The following TPO variants were observed in gnomAD, a reference collection of about 807,000 sequenced individuals.
The protein encoded by TPO is thyroid peroxidase, also known as thyroid microsomal antigen.
Under a neutral mutation model 96.9 loss-of-function variants are expected in TPO, and 78 were observed. That is an observed-to-expected ratio of 0.81 (90% CI 0.67 to 0.97). The LOEUF (loss-of-function observed/expected upper bound fraction) is 0.97. Among genes scored for constraint, TPO ranks in the 50% least tolerant of loss-of-function variants. The pLI is 0.00. For missense variants in TPO, 1,252 were observed against 1,274.8 expected (o/e 0.98, Z 0.27); for synonymous variants, 547 against 538.0 (o/e 1.02, Z -0.23).
chr2:1,520,494 G>A (rs780635740), intron 15 of TPO, among the ~76,000 whole-genome samples: 9 of 152,172 alleles, frequency 5.9e-5, no homozygotes, highest in Non-Finnish European at 1.2e-4. Flanking sequence ...AGACAAAGGT[G>A]TTTGCTTCTC....
At chr2:1,535,250 C>G (rs1460490724) in intron 15 of TPO, among the ~76,000 whole-genome samples, 11 of 135,034 alleles carry the variant, frequency 8.1e-5, no homozygotes, top group East Asian at 2.7e-4. Context: ...CCACCCCACT[C>G]TGTGCAACCT....
intron 1 of TPO, among the ~76,000 whole-genome samples, chr2:1,382,148 G>A (rs570321477): frequency 3.4e-4 from 52 of 152,204 alleles, no homozygotes; most frequent in African/African-American, 8.4e-4. Flanking sequence ...AGAGGCCACC[G>A]GCGATGCCCA....
intron 13 of TPO, among the ~76,000 whole-genome samples, chr2:1,501,358 C>A (rs537045781): frequency 6.6e-6 from 1 of 151,900 alleles, no homozygotes; most frequent in Non-Finnish European, 1.5e-5. Flanking sequence ...GGGGACACTG[C>A]GGCTGAGGCT....
In TPO at chr2:1,542,860, C is replaced by A. The variant is rs1311680461; in HGVS notation, c.*386C>A. The A allele has an allele frequency of 8.1e-6, 3 of 369,118 alleles. No individual in the cohort carries two copies. The highest frequency in any genetic ancestry group is 2.4e-5 in the South Asian group (1 of 41,624). The allele number at this position is 369,118 out of a possible 1,614,324, so 22.9% of individuals were successfully genotyped here. A position where few individuals can be genotyped will look rare whatever the true frequency, so the allele number is the denominator to read the frequency against. ...CTCCAGCACTGGTTTTTCCACACCC[C>A]CTGCCCATCACCAGGTGTCCACAGG... On this transcript the variant is annotated 3_prime_UTR_variant, in exon 17 of 17. Transcript: ENST00000329066.
At chr2:1,503,865 G>A (rs780719894) in intron 13 of TPO, 83 bp from the exon 14 acceptor site, 8 of 1,611,064 alleles carry the variant, frequency 5.0e-6, no homozygotes, top group South Asian at 2.2e-5. Context: ...CCAGAGAGAA[G>A]CACCTCCCAG....
chr2:1,391,555 G>A (rs1662001049), intron 1 of TPO, among the ~76,000 whole-genome samples: 1 of 152,170 alleles, frequency 6.6e-6, no homozygotes, highest in Non-Finnish European at 1.5e-5. Flanking sequence ...TGTGAAGAAA[G>A]TCATTGGTAG....
intron 5 of TPO, among the ~76,000 whole-genome samples, chr2:1,450,639 C>T (rs1020609354): frequency 6.6e-6 from 1 of 152,138 alleles, no homozygotes; most frequent in African/African-American, 2.4e-5. Context: ...GACCTGCTGA[C>T]CGTGAAGGTC....
In TPO at chr2:1,496,094, G is replaced by A; in HGVS notation, c.2112G>A (p.Val704=). ...VICDNTGLTR[V]PMDAFQVGKF... is the part of the protein sequence containing the mutation. The stretch of plus-strand genomic sequence containing the variant: ...GTGACAACACTGGCCTCACCAGGGT[G>A]CCCATGGATGCCTTCCAAGTCGGCA... The change falls in exon 12 of 17, where the codon GTG becomes GTA. Residue 704 remains valine, a synonymous_variant. Transcript: ENST00000329066. The A allele has an allele frequency of 6.2e-7, 1 of 1,614,078 alleles. No individual in the cohort carries two copies. The highest frequency in any genetic ancestry group is 1.1e-5 in the South Asian group (1 of 91,048).
chr2:1,401,355 A>G (rs1393078844), intron 1 of TPO, among the ~76,000 whole-genome samples: 1 of 152,194 alleles, frequency 6.6e-6, no homozygotes. Flanking sequence ...AGACAGAGAC[A>G]ATGCACCCAA....
chr2:1,390,876 G>C (rs560776995), intron 1 of TPO, among the ~76,000 whole-genome samples: 2 of 152,144 alleles, frequency 1.3e-5, no homozygotes, highest in South Asian at 4.1e-4. Flanking sequence ...CTTTTTGATG[G>C]GGTTGTTTTT....
chr2:1,501,410 C>T lies in TPO; in HGVS notation c.2387-2538C>T, dbSNP rs973502905. The stretch of plus-strand genomic sequence containing the variant: ...GGGAGCGCTGCTCTTCAGACAAGGC[C>T]GATTTGTCCCCCTCCTTCCTGTCCA... On this transcript the variant is annotated intron_variant, in intron 13 of 16. Coordinates refer to ENST00000329066, the MANE Select transcript of TPO (RefSeq NM_001206744.2). 3.3e-5 allele frequency among the ~76,000 whole-genome samples: 5 copies of T among 152,216 alleles called. 1 individual carries two copies. The highest frequency in any genetic ancestry group is 9.6e-5 in the African/African-American group (4 of 41,466).
At chr2:1,407,829 C>T (rs927423920) in intron 1 of TPO, among the ~76,000 whole-genome samples, 1 of 152,192 alleles carries the variant, frequency 6.6e-6, no homozygotes, top group Non-Finnish European at 1.5e-5. Flanking sequence ...CTATGAAACC[C>T]ACATCTTCAA....
At chr2:1,512,616 C>T (rs1420013281) in intron 14 of TPO, 1 of 436,076 alleles carries the variant, frequency 2.3e-6, no homozygotes, top group Non-Finnish European at 3.1e-6. Flanking sequence ...GCCCTGCAGC[C>T]CCTCAAGCAG....
chr2:1,441,768 T>A (rs1002146123), intron 5 of TPO, among the ~76,000 whole-genome samples: 1 of 152,120 alleles, frequency 6.6e-6, no homozygotes, highest in Non-Finnish European at 1.5e-5. Flanking sequence ...GAGAACAGAA[T>A]CCCCAGGGCC....
rs551820997 is a variant in TPO, at chr2:1,532,060, C to G, written c.2619-8534C>G. ...CTGTGTGCAACCTCCCCAAATACCC[C>G]CCACTGTGTGCACCTTCCTCAAGTC... On this transcript the variant is annotated intron_variant, in intron 15 of 16. Transcript: ENST00000329066. Among the ~76,000 whole-genome samples, 13 of 124,870 alleles carry G rather than the reference C, an allele frequency of 1.0e-4. 1 individual carries two copies. The South Asian group carries it at 4.0e-3, about 38-fold the overall frequency. The allele number at this position is 124,870 out of a possible 152,430, so 81.9% of individuals were successfully genotyped here.
Position 1,535,757 on chromosome 2 carries a change from G to C in TPO, c.2619-4837G>C, listed in dbSNP as rs1447351784. On this transcript the variant is annotated intron_variant, in intron 15 of 16. Coordinates refer to ENST00000329066, the MANE Select transcript of TPO (RefSeq NM_001206744.2). Reference sequence around the variant, plus strand: ...CAACCTCCCCAAATCCCCCCACTCTGTGCAACCTCCCGAAATCCCCCCAAC... The same window carrying C: ...CAACCTCCCCAAATCCCCCCACTCTCTGCAACCTCCCGAAATCCCCCCAAC... Among the ~76,000 whole-genome samples, 2 of 64,230 alleles carry C rather than the reference G, an allele frequency of 3.1e-5. 1 individual carries two copies. Among genetic ancestry groups the C allele is most frequent in the Non-Finnish European group, 6.0e-5 (2 of 33,398 alleles). 42.1% of individuals were successfully genotyped at this position (64,230 alleles called of 152,430 possible).
At chr2:1,456,396 G>A (rs879102731) in intron 7 of TPO, 114 bp downstream of exon 7, 1 of 1,163,606 alleles carries the variant, frequency 8.6e-7, no homozygotes, top group Non-Finnish European at 1.2e-6. Context: ...CTATTCCCAG[G>A]GGTAGCAGTT....
intron 3 of TPO, among the ~76,000 whole-genome samples, chr2:1,432,008 C>G (rs1321152006): frequency 6.6e-6 from 1 of 152,250 alleles, no homozygotes; most frequent in East Asian, 1.9e-4. Context: ...GCTCTAGGAC[C>G]TGTCCACTCA....
chr2:1,476,044 C>A (rs1434615971), intron 7 of TPO, among the ~76,000 whole-genome samples: 3 of 152,270 alleles, frequency 2.0e-5, no homozygotes, highest in African/African-American at 7.2e-5. Context: ...TGAGCGGCTG[C>A]TGGCTCGCTG....
Sources: allele counts gnomAD v4.1 joint callset (sites outside exome capture counted in the v4.1 genomes callset), GRCh38; gene constraint gnomAD v4.1.1; transcripts MANE v1.5; gene names NCBI Gene and HGNC (gene_info 2026-07-23, HGNC 2026-07-21).